Variants in WDPCP observed in about 807,000 individuals in gnomAD.
The protein encoded by WDPCP is WD repeat-containing and planar cell polarity effector protein fritz homolog.
WDPCP carries 71 observed loss-of-function variants against 93.1 expected under a neutral mutation model. The ratio of observed to expected loss-of-function variants is 0.76; its 90% CI spans 0.63 to 0.93. The LOEUF (loss-of-function observed/expected upper bound fraction) is 0.93, where lower values mean the gene tolerates loss of function less well. Among genes scored for constraint, WDPCP ranks in the 40% least tolerant of loss-of-function variants. WDPCP has a pLI of 0.00. For missense variants in WDPCP, 844 were observed against 887.4 expected (o/e 0.95, Z 0.62); for synonymous variants, 315 against 315.0 (o/e 1.00, Z 0.00).
chr2:63,610,785 A>G (rs1709605825), intron 3 of WDPCP, among the ~76,000 whole-genome samples: 1 of 152,174 alleles, frequency 6.6e-6, no homozygotes, highest in Non-Finnish European at 1.5e-5. Context: ...CTTTAGTAAT[A>G]CATCTTAAAG....
intron 2 of WDPCP, among the ~76,000 whole-genome samples, chr2:63,656,782 A>G (rs1472128110): frequency 2.0e-5 from 3 of 152,238 alleles, no homozygotes; most frequent in Non-Finnish European, 2.9e-5. Context: ...AAAATAATAA[A>G]CAAAGGCTAT....
At chr2:63,414,409 A>C (rs536628720) in intron 9 of WDPCP, among the ~76,000 whole-genome samples, 4 of 152,262 alleles carry the variant, frequency 2.6e-5, no homozygotes, top group South Asian at 4.1e-4. Flanking sequence ...CGTGGAACAA[A>C]TCCAAATGCC....
At chr2:63,498,181 C>G (rs1167344347) in intron 1 of WDPCP, among the ~76,000 whole-genome samples, 50 of 152,218 alleles carry the variant, frequency 3.3e-4, no homozygotes, top group Non-Finnish European at 1.0e-4. Context: ...CATAATGTAA[C>G]TTCATTTATT....
chr2:63,749,732 C>T (rs1468679654), intron 2 of WDPCP, among the ~76,000 whole-genome samples: 1 of 152,000 alleles, frequency 6.6e-6, no homozygotes, highest in Non-Finnish European at 1.5e-5. Flanking sequence ...GGGAGTAACC[C>T]CATTATAAGA....
At chr2:63,459,401 A>G (rs1391439279) in intron 6 of WDPCP, among the ~76,000 whole-genome samples, 1 of 152,202 alleles carries the variant, frequency 6.6e-6, no homozygotes, top group Non-Finnish European at 1.5e-5. Context: ...TAAAAAAATG[A>G]GCAAAGTACA....
chr2:63,644,827 C>T (rs28807977), intron 3 of WDPCP, among the ~76,000 whole-genome samples: 2 of 152,010 alleles, frequency 1.3e-5, no homozygotes, highest in South Asian at 2.1e-4. Flanking sequence ...AATGATTTTT[C>T]GAGTTTCTGC....
chr2:63,469,202 T>C (rs1468197013), intron 6 of WDPCP, among the ~76,000 whole-genome samples: 3 of 152,142 alleles, frequency 2.0e-5, no homozygotes, highest in African/African-American at 7.2e-5. Flanking sequence ...ACATAACAGA[T>C]GCTGGTGAGG....
chr2:63,788,635 C>G (rs1252638496), intron 2 of WDPCP, among the ~76,000 whole-genome samples: 1 of 151,668 alleles, frequency 6.6e-6, no homozygotes, highest in Admixed American at 6.6e-5. Context: ...TTATTTTTAC[C>G]AAGAGAAACA....
At chr2:63,342,664 AT>A (rs1381946372) in intron 12 of WDPCP, among the ~76,000 whole-genome samples, 1 of 152,154 alleles carries the variant, frequency 6.6e-6, no homozygotes, top group Non-Finnish European at 1.5e-5. Flanking sequence ...CTACCCTGTT[AT>A]TATTGTCATA....
intron 17 of WDPCP, among the ~76,000 whole-genome samples, chr2:63,133,357 A>T (rs1397608439): frequency 6.6e-6 from 1 of 152,176 alleles, no homozygotes; most frequent in African/African-American, 2.4e-5. Context: ...AGTTAGGTGA[A>T]TCAGGGATCA....
intron 12 of WDPCP, among the ~76,000 whole-genome samples, chr2:63,326,433 C>T (rs373378410): frequency 2.6e-5 from 4 of 152,086 alleles, no homozygotes; most frequent in Non-Finnish European, 2.9e-5. Context: ...GCCTCTTCCC[C>T]GAGGGACCAG....
At chr2:63,800,365 G>C (rs1001223343) in intron 2 of WDPCP, among the ~76,000 whole-genome samples, 8 of 152,126 alleles carry the variant, frequency 5.3e-5, no homozygotes, top group African/African-American at 1.9e-4. Flanking sequence ...CTTCAGACCT[G>C]TCTCTCCTAT....
At chr2:63,559,962 G>A (rs892110665) in intron 1 of WDPCP, among the ~76,000 whole-genome samples, 3 of 152,094 alleles carry the variant, frequency 2.0e-5, no homozygotes, top group African/African-American at 7.2e-5. Flanking sequence ...CAGGCATGGT[G>A]GCTCACACCT....
At chr2:63,808,836 C>A (rs1433104838) in intron 2 of WDPCP, among the ~76,000 whole-genome samples, 1 of 151,782 alleles carries the variant, frequency 6.6e-6, no homozygotes. Context: ...CTCTGCCTGG[C>A]TGCCCAGTCT....
intron 1 of WDPCP, among the ~76,000 whole-genome samples, chr2:63,535,200 T>G (rs375907667): frequency 0.048 from 7,287 of 152,026 alleles, 203 homozygotes; most frequent in South Asian, 0.075. Context: ...CACTGCTCAA[T>G]GAAATAAAAG....
intron 2 of WDPCP, among the ~76,000 whole-genome samples, chr2:63,706,641 G>A (rs1263167227): frequency 8.7e-5 from 10 of 115,352 alleles, no homozygotes; most frequent in African/African-American, 2.4e-4. Flanking sequence ...ACGGAGTCTC[G>A]CTCTGTCGCC....
intron 12 of WDPCP, among the ~76,000 whole-genome samples, chr2:63,337,371 T>C (rs1688460059): frequency 6.6e-6 from 1 of 152,238 alleles, no homozygotes; most frequent in African/African-American, 2.4e-5. Flanking sequence ...CCACATTTTC[T>C]TTATCCATCC....
chr2:63,398,056 G>A (rs935825213), intron 10 of WDPCP, among the ~76,000 whole-genome samples: 3 of 152,158 alleles, frequency 2.0e-5, no homozygotes, highest in African/African-American at 7.2e-5. Context: ...AATAGTGGTG[G>A]CGCTAGTCTT....
At chr2:63,394,111 C>T (rs1185466003) in intron 10 of WDPCP, among the ~76,000 whole-genome samples, 2 of 152,094 alleles carry the variant, frequency 1.3e-5, no homozygotes, top group Non-Finnish European at 1.5e-5. Flanking sequence ...AGACAACCTA[C>T]AGAATAGGAG....
Sources: allele counts gnomAD v4.1 joint callset (sites outside exome capture counted in the v4.1 genomes callset), GRCh38; gene constraint gnomAD v4.1.1; transcripts MANE v1.5; gene names NCBI Gene and HGNC (gene_info 2026-07-23, HGNC 2026-07-21).